Variants in NRG3 observed in about 807,000 individuals in gnomAD.
NRG3 encodes the protein pro-neuregulin-3, membrane-bound isoform.
NRG3 carries 31 observed loss-of-function variants against 66.9 expected under a neutral mutation model. That is an observed-to-expected ratio of 0.46 (90% CI 0.35 to 0.63). The LOEUF (loss-of-function observed/expected upper bound fraction) is 0.63. Ranked by LOEUF, NRG3 falls within the 20% of genes least tolerant of loss-of-function variation. The probability of loss-of-function intolerance (pLI) is 0.00; values close to 1 mark genes in which losing one functional copy is unlikely to be tolerated. For synonymous variants in NRG3, 393 were observed against 359.4 expected, an observed-to-expected ratio of 1.09 and a Z score of -1.06; for missense variants, 910 against 878.9, an observed-to-expected ratio of 1.04 and a Z score of -0.45.
intron 1 of NRG3, among the ~76,000 whole-genome samples, chr10:81,952,311 T>C (rs1424582911): frequency 6.6e-6 from 1 of 152,156 alleles, no homozygotes; most frequent in Non-Finnish European, 1.5e-5. Context: ...AGTTTAGTTC[T>C]TCCTTTTCCT....
intron 4 of NRG3, among the ~76,000 whole-genome samples, chr10:82,895,974 C>T (rs1843629006): frequency 6.6e-6 from 1 of 152,090 alleles, no homozygotes; most frequent in Admixed American, 6.6e-5. Flanking sequence ...CTAATGTACT[C>T]AATGCAGTGG....
chr10:82,015,529 G>A (rs1296848081), intron 1 of NRG3, among the ~76,000 whole-genome samples: 1 of 152,020 alleles, frequency 6.6e-6, no homozygotes. Flanking sequence ...AATCATGGGG[G>A]TGGTTTCCCC....
intron 1 of NRG3, among the ~76,000 whole-genome samples, chr10:82,166,259 T>A (rs2072051531): frequency 6.6e-6 from 1 of 152,170 alleles, no homozygotes; most frequent in Non-Finnish European, 1.5e-5. Flanking sequence ...CCTCAGGTGA[T>A]CCGCCCGCCT....
At chr10:82,626,812 A>G (rs1423321820) in intron 2 of NRG3, among the ~76,000 whole-genome samples, 1 of 151,956 alleles carries the variant, frequency 6.6e-6, no homozygotes, top group Non-Finnish European at 1.5e-5. Flanking sequence ...ATTTCTTGGT[A>G]CCTCTCTTCT....
At chr10:82,557,989 G>A (rs1236942482) in intron 2 of NRG3, among the ~76,000 whole-genome samples, 4 of 152,282 alleles carry the variant, frequency 2.6e-5, no homozygotes, top group African/African-American at 9.6e-5. Flanking sequence ...AGAGAGGTTT[G>A]GAACACGTGG....
intron 2 of NRG3, among the ~76,000 whole-genome samples, chr10:82,434,690 A>G (rs930666673): frequency 1.3e-5 from 2 of 152,118 alleles, no homozygotes; most frequent in Non-Finnish European, 2.9e-5. Flanking sequence ...CTTTTTCTGC[A>G]TCTATTGAAA....
intron 3 of NRG3, among the ~76,000 whole-genome samples, chr10:82,862,182 A>G (rs1232052176): frequency 6.6e-6 from 1 of 152,190 alleles, no homozygotes; most frequent in Non-Finnish European, 1.5e-5. Flanking sequence ...GTCCTACCGA[A>G]TACCAACAGA....
chr10:82,527,768 C>G (rs1396889800), intron 2 of NRG3, among the ~76,000 whole-genome samples: 1 of 152,128 alleles, frequency 6.6e-6, no homozygotes, highest in Non-Finnish European at 1.5e-5. Flanking sequence ...TCTACTTGAT[C>G]TTAATGAGCT....
Position 82,697,920 on chromosome 10 carries a change from G to A in NRG3, c.954-40657G>A, listed in dbSNP as rs371885619. On this transcript the variant is annotated intron_variant, in intron 2 of 8. Transcript: ENST00000372141. ...TGATTTTTGAGGCTGTGACAGTCCC[G>A]CTCTGAGTGGGTTGCAGGTGAAGCA... Among the ~76,000 whole-genome samples, 168 of 152,174 alleles carry A rather than the reference G, an allele frequency of 1.1e-3. 2 individuals carry two copies. The highest frequency in any genetic ancestry group is 2.9e-3 in the Admixed American group (45 of 15,276).
At chr10:82,557,152 A>T (rs1306319124) in intron 2 of NRG3, among the ~76,000 whole-genome samples, 1 of 152,134 alleles carries the variant, frequency 6.6e-6, no homozygotes, top group African/African-American at 2.4e-5. Flanking sequence ...CTGGGTATAT[A>T]CCCATAATGG....
At chr10:82,465,774 G>A (rs886878945) in intron 2 of NRG3, among the ~76,000 whole-genome samples, 1 of 152,152 alleles carries the variant, frequency 6.6e-6, no homozygotes, top group Admixed American at 6.5e-5. Context: ...CTTCCCACTG[G>A]TTGTGGGGTA....
chr10:82,962,049 G>T (rs138829481), intron 6 of NRG3, among the ~76,000 whole-genome samples: 3 of 152,152 alleles, frequency 2.0e-5, no homozygotes, highest in Non-Finnish European at 4.4e-5. Flanking sequence ...ATGGAAATGG[G>T]TTTCACTTTA....
Position 81,975,924 on chromosome 10 carries a change from G to A in NRG3, c.823+99761G>A, listed in dbSNP as rs188924129. On this transcript the variant is annotated intron_variant, in intron 1 of 8. Coordinates refer to ENST00000372141, the MANE Select transcript of NRG3 (RefSeq NM_001010848.4). The stretch of plus-strand genomic sequence containing the variant: ...TAGATTTGAAGCTGTGGCTGGCTTG[G>A]AAGGAAGGGGGCTATAAGCTGAGAA... Among the ~76,000 whole-genome samples the A allele has an allele frequency of 4.3e-3, 657 of 152,222 alleles. 2 individuals are homozygous for A. Among genetic ancestry groups the A allele is most frequent in the African/African-American group, 0.015 (620 of 41,540 alleles).
chr10:82,146,115 A>T (rs1192127760), intron 1 of NRG3, among the ~76,000 whole-genome samples: 4 of 152,194 alleles, frequency 2.6e-5, no homozygotes, highest in African/African-American at 9.7e-5. Flanking sequence ...ATTCAGAAAA[A>T]GTACTTTTTT....
chr10:82,620,289 C>T (rs1221602605), intron 2 of NRG3, among the ~76,000 whole-genome samples: 1 of 152,182 alleles, frequency 6.6e-6, no homozygotes, highest in Non-Finnish European at 1.5e-5. Context: ...GGTACCTACA[C>T]TTGGTGGGTC....
At chr10:82,082,182 T>G (rs971545499) in intron 1 of NRG3, among the ~76,000 whole-genome samples, 3 of 152,136 alleles carry the variant, frequency 2.0e-5, no homozygotes, top group Admixed American at 6.5e-5. Context: ...GCTTTCCTCT[T>G]TGTTGTTGTA....
At chr10:81,991,694 A>G (rs566064693) in intron 1 of NRG3, among the ~76,000 whole-genome samples, 12 of 152,288 alleles carry the variant, frequency 7.9e-5, no homozygotes, top group African/African-American at 2.9e-4. Context: ...AAAACCACAC[A>G]TGATTTAGCT....
chr10:82,635,628 G>A (rs1054823990), intron 2 of NRG3, among the ~76,000 whole-genome samples: 3 of 152,134 alleles, frequency 2.0e-5, no homozygotes, highest in African/African-American at 4.8e-5. Flanking sequence ...TGTCCTCGAC[G>A]TAGCAGAAGC....
At chr10:82,268,151 G>T (rs1427406333) in intron 1 of NRG3, among the ~76,000 whole-genome samples, 2 of 152,114 alleles carry the variant, frequency 1.3e-5, no homozygotes, top group African/African-American at 4.8e-5. Flanking sequence ...AACCACACCT[G>T]TTTCCCTCCT....
Sources: gnomAD v4.1 joint callset for allele counts (sites outside exome capture counted in the v4.1 genomes callset) on GRCh38, gnomAD v4.1.1 for gene constraint, MANE v1.5 for transcripts, NCBI Gene and HGNC (gene_info 2026-07-23, HGNC 2026-07-21) for gene names.